The following LCMT1 variants were observed in gnomAD, a reference collection of about 807,000 sequenced individuals.
The protein encoded by LCMT1 is leucine carboxyl methyltransferase 1, also known as [Phosphatase 2A protein]-leucine-carboxy methyltransferase 1.
LCMT1 carries 32 observed loss-of-function variants against 47.7 expected under a neutral mutation model. The observed-to-expected ratio is 0.67, with a 90% confidence interval of 0.51 to 0.90. The LOEUF (loss-of-function observed/expected upper bound fraction) is 0.90, where lower values mean the gene tolerates loss of function less well. Among genes scored for constraint, LCMT1 ranks in the 40% least tolerant of loss-of-function variants. LCMT1 has a pLI of 0.00. For synonymous variants in LCMT1, 152 were observed against 149.7 expected (o/e 1.02, Z -0.11); for missense variants, 375 against 415.2 (o/e 0.90, Z 0.84).
intron 1 of LCMT1, among the ~76,000 whole-genome samples, chr16:25,119,413 A>C (rs1959898704): frequency 6.6e-6 from 1 of 151,948 alleles, no homozygotes; most frequent in Non-Finnish European, 1.5e-5. Context: ...GACCATTCCT[A>C]CCTTTGCGCC....
chr16:25,178,022 A>G lies in LCMT1; in HGVS notation c.1004A>G (p.Ter335=), dbSNP rs1226998900. ...TCAGGGCTGAAGGAGATAACTTATTAATCTGTCGAAGGCTTATGCCGAGCC... is the reference window on the plus strand; with the variant it reads ...TCAGGGCTGAAGGAGATAACTTATTGATCTGTCGAAGGCTTATGCCGAGCC... The part of the protein sequence containing the change: ...NELGLKEITY[*] Residue 335 remains the stop codon, a stop_retained_variant, in exon 11 of 11, where the codon TAA becomes TGA. Transcript: ENST00000399069. 2 of 1,613,734 alleles carry G rather than the reference A, an allele frequency of 1.2e-6. No individual in the cohort carries two copies. The highest frequency in any genetic ancestry group is 1.7e-6 in the Non-Finnish European group (2 of 1,179,768).
chr16:25,142,767 A>G (rs1194921054), intron 4 of LCMT1: 2 of 152,192 alleles, frequency 1.3e-5, no homozygotes, highest in Non-Finnish European at 2.9e-5. Context: ...AATACAAGGA[A>G]AAGTATTGGA....
At chr16:25,126,949 C>T (rs1960210038) in intron 1 of LCMT1, among the ~76,000 whole-genome samples, 3 of 152,206 alleles carry the variant, frequency 2.0e-5, no homozygotes, top group Admixed American at 2.0e-4. Flanking sequence ...GTTTCAACTG[C>T]AGATGTAGCT....
At chr16:25,121,154 G>C (rs77408710) in intron 1 of LCMT1, among the ~76,000 whole-genome samples, 22 of 151,948 alleles carry the variant, frequency 1.4e-4, no homozygotes, top group Non-Finnish European at 2.4e-4. Context: ...TTGGCCAGGC[G>C]TGGTGGCTCA....
chr16:25,126,090 C>A lies in LCMT1; in HGVS notation c.114-2385C>A, dbSNP rs372773053. On this transcript the variant is annotated intron_variant, in intron 1 of 10. Transcript: ENST00000399069. Reference sequence around the variant, plus strand: ...TCCTTCTTCCTAGGGCGCATGGAAACCTGTTGCAGTCACCTGGGTTTGCGG... The same window carrying A: ...TCCTTCTTCCTAGGGCGCATGGAAAACTGTTGCAGTCACCTGGGTTTGCGG... The A allele has an allele frequency of 4.0e-5, 54 of 1,351,748 alleles. No individual in the cohort carries two copies. In the African/African-American group the frequency reaches 6.8e-4, roughly 17 times the overall value. The allele number at this position is 1,351,748 out of a possible 1,614,324, so 83.7% of individuals were successfully genotyped here.
intron 1 of LCMT1, among the ~76,000 whole-genome samples, chr16:25,122,975 C>G (rs1158502802): frequency 6.6e-6 from 1 of 152,066 alleles, no homozygotes; most frequent in African/African-American, 2.4e-5. Context: ...CTTTGTGATG[C>G]AGAATCTGAC....
At chr16:25,159,736 A>G (rs1961363587) in intron 5 of LCMT1, among the ~76,000 whole-genome samples, 1 of 152,122 alleles carries the variant, frequency 6.6e-6, no homozygotes, top group African/African-American at 2.4e-5. Flanking sequence ...TGGAGTTATC[A>G]AGATGATAAA....
In LCMT1 at chr16:25,175,068, A is replaced by C. The variant is rs1264075244; in HGVS notation, c.982+34A>C. The C allele has an allele frequency of 2.5e-6, 3 of 1,194,880 alleles. No homozygotes were observed. The Admixed American group carries it at 6.0e-5, about 24-fold the overall frequency. The allele number at this position is 1,194,880 out of a possible 1,614,324, so 74.0% of individuals were successfully genotyped here. A position where few individuals can be genotyped will look rare whatever the true frequency, so the allele number is the denominator to read the frequency against. ...TTGTACTTTTCTTGCCTTGACCTGG[A>C]AATAGTGAACTTTTCTTTTTCCTAT... On this transcript the variant is annotated intron_variant, in intron 10 of 10. Coordinates refer to ENST00000399069, the MANE Select transcript of LCMT1 (RefSeq NM_016309.3).
chr16:25,145,830 A>G (rs1597583833), intron 4 of LCMT1: 1 of 152,128 alleles, frequency 6.6e-6, no homozygotes, highest in South Asian at 2.1e-4. Context: ...TTACTGGCGG[A>G]ACTTTATTAG....
intron 2 of LCMT1, chr16:25,132,120 A>G (rs772906981): frequency 2.1e-6 from 1 of 482,618 alleles, no homozygotes. Flanking sequence ...AGACGTTTCA[A>G]TGTAAAACAC....
At chr16:25,132,628 G>A (rs1259399627) in intron 3 of LCMT1, 105 bp downstream of exon 3, 11 of 1,275,542 alleles carry the variant, frequency 8.6e-6, no homozygotes, top group Middle Eastern at 2.0e-4. Flanking sequence ...TGCAGCGAAA[G>A]CCTGTCTCCC....
intron 1 of LCMT1, among the ~76,000 whole-genome samples, chr16:25,126,629 G>A (rs60561281): frequency 0.018 from 2,527 of 144,184 alleles, 82 homozygotes; most frequent in African/African-American, 0.059. Flanking sequence ...ATGTTCCTTG[G>A]CTACACTAGT....
At chr16:25,144,612 G>C (rs1198942620) in intron 4 of LCMT1, 1 of 152,256 alleles carries the variant, frequency 6.6e-6, no homozygotes, top group Non-Finnish European at 1.5e-5. Flanking sequence ...AAGAGAGCTT[G>C]GTAGTTGGTC....
chr16:25,126,214 C>G, intron 1 of LCMT1: 5 of 1,207,986 alleles, frequency 4.1e-6, no homozygotes, highest in Non-Finnish European at 4.3e-6. Flanking sequence ...TCTCACCACT[C>G]TCTACCACTG....
chr16:25,154,399 C>G (rs1961175401), intron 5 of LCMT1, among the ~76,000 whole-genome samples: 2 of 150,856 alleles, frequency 1.3e-5, no homozygotes, highest in Non-Finnish European at 2.9e-5. Flanking sequence ...TTTGGGACCT[C>G]TTGTAAATTT....
Position 25,140,258 on chromosome 16 carries a change from C to T in LCMT1, c.404+11C>T. 1 of 1,578,900 alleles carries T rather than the reference C, an allele frequency of 6.3e-7. No individual in the cohort carries two copies. Among genetic ancestry groups the T allele is most frequent in the Non-Finnish European group, 8.6e-7 (1 of 1,158,032 alleles). ...GCTGCACAGTATCAAGTAAGTGTGG[C>T]ATGGCCAGAAGAACAAAAGCCAGCG... On this transcript the variant is annotated intron_variant, in intron 4 of 10. Transcript: ENST00000399069.
At chr16:25,126,806 C>A (rs1286863846) in intron 1 of LCMT1, among the ~76,000 whole-genome samples, 1 of 152,190 alleles carries the variant, frequency 6.6e-6, no homozygotes, top group Admixed American at 6.5e-5. Context: ...AGTAGTCAAG[C>A]AGTGACTTGA....
chr16:25,168,790 T>C (rs1352258475), intron 7 of LCMT1, among the ~76,000 whole-genome samples: 2 of 152,226 alleles, frequency 1.3e-5, no homozygotes, highest in African/African-American at 4.8e-5. Flanking sequence ...CTTCCTATTA[T>C]ACCTAATGCT....
intron 10 of LCMT1, among the ~76,000 whole-genome samples, chr16:25,175,469 C>CAAAA (rs35504714): frequency 1.5e-5 from 2 of 134,978 alleles, no homozygotes; most frequent in South Asian, 2.4e-4. Context: ...ACTAAAAATA[C>CAAAA]AAAAAAAAAA....
Sources: gnomAD v4.1 joint callset for allele counts (sites outside exome capture counted in the v4.1 genomes callset) on GRCh38, gnomAD v4.1.1 for gene constraint, MANE v1.5 for transcripts, NCBI Gene and HGNC (gene_info 2026-07-23, HGNC 2026-07-21) for gene names.